Variants in NALCN observed in about 807,000 individuals in gnomAD.
NALCN encodes sodium leak channel NALCN.
In NALCN, 111 loss-of-function variants were observed where a neutral mutation model predicts 225.3. The observed-to-expected ratio is 0.49, with a 90% CI of 0.42 to 0.58. The LOEUF is 0.58. NALCN is among the 20% of genes least tolerant of loss of function. The pLI is 0.00. For missense variants in NALCN, 1,378 were observed against 2,202.4 expected (o/e 0.63, Z 7.49); for synonymous variants, 764 against 769.0 (o/e 0.99, Z 0.11).
chr13:101,384,266 A>G (rs2139445596), intron 3 of NALCN, among the ~76,000 whole-genome samples: 1 of 152,286 alleles, frequency 6.6e-6, no homozygotes, highest in East Asian at 1.9e-4. Context: ...TGTTTGTTCC[A>G]TCAACAAGAA....
At chr13:101,097,428 C>T (rs1326722957) in intron 27 of NALCN, among the ~76,000 whole-genome samples, 1 of 152,072 alleles carries the variant, frequency 6.6e-6, no homozygotes, top group Non-Finnish European at 1.5e-5. Flanking sequence ...ATAAAGGTCC[C>T]TTGACATATT....
chr13:101,068,683 A>G lies in NALCN; in HGVS notation c.4330+12T>C, dbSNP rs373393035. 7.6e-6 allele frequency: 12 copies of G among 1,582,208 alleles called. No individual in the cohort carries two copies. In the African/African-American group the frequency reaches 1.5e-4, roughly 20 times the overall value. ...TTTAAAGAGTAAAAAGTATTCAACT[A>G]ACATCACTTACCTACAAGCAGATTT... On this transcript the variant is annotated intron_variant, in intron 38 of 43. Transcript: ENST00000251127.
intron 27 of NALCN, among the ~76,000 whole-genome samples, chr13:101,097,835 G>GT (rs894961155): frequency 9.9e-5 from 15 of 152,216 alleles, no homozygotes; most frequent in African/African-American, 2.6e-4. Flanking sequence ...TTGTTCTTCA[G>GT]TTTTTTCCTA....
chr13:101,374,887 GT>G (rs754641424), intron 6 of NALCN, among the ~76,000 whole-genome samples: 1 of 152,074 alleles, frequency 6.6e-6, no homozygotes, highest in Admixed American at 6.5e-5. Flanking sequence ...ATTATTAGGA[GT>G]TGCATAATAT....
intron 6 of NALCN, among the ~76,000 whole-genome samples, chr13:101,350,112 C>A (rs1316447411): frequency 6.6e-6 from 1 of 152,136 alleles, no homozygotes; most frequent in Non-Finnish European, 1.5e-5. Flanking sequence ...ACCCTGCCTC[C>A]CACTCTTAGC....
Position 101,352,452 on chromosome 13 carries a change from G to C in NALCN, c.645-7032C>G, listed in dbSNP as rs115862212. Among the ~76,000 whole-genome samples the C allele has an allele frequency of 5.5e-4, 84 of 152,290 alleles. 1 individual carries two copies. The highest frequency in any genetic ancestry group is 1.9e-3 in the African/African-American group (79 of 41,550). ...AGAGCCTGCATTTGCATATGAGAGA[G>C]AGAGAGTGACAGAAAGAAAGAGAGA... On this transcript the variant is annotated intron_variant, in intron 6 of 43. Transcript: ENST00000251127.
intron 11 of NALCN, among the ~76,000 whole-genome samples, chr13:101,244,534 A>T (rs2041837919): frequency 6.6e-6 from 1 of 152,230 alleles, no homozygotes; most frequent in East Asian, 1.9e-4. Context: ...CTTGGAATCA[A>T]ATGGCTTGCT....
Position 101,353,047 on chromosome 13 carries a change from T to C in NALCN, c.645-7627A>G, listed in dbSNP as rs1444669083. Among the ~76,000 whole-genome samples the C allele has an allele frequency of 2.0e-5, 3 of 152,324 alleles. No individual in the cohort carries two copies. In the East Asian group the frequency reaches 5.8e-4, roughly 29 times the overall value. ...CTTGAGCATTTTGTTTTTGATTGCA[T>C]CTGTAAGGCTTCATTTTTATTTATA... is the stretch of plus-strand genomic sequence containing the variant. On this transcript the variant is annotated intron_variant, in intron 6 of 43. Coordinates refer to ENST00000251127, the MANE Select transcript of NALCN (RefSeq NM_052867.4).
chr13:101,161,740 C>T (rs34227398), intron 15 of NALCN, among the ~76,000 whole-genome samples: 33,733 of 152,038 alleles, frequency 0.22, 4,676 homozygotes, highest in Non-Finnish European at 0.31. Flanking sequence ...GGAGTGGTGG[C>T]GCACGCCTGT....
At chr13:101,375,262 C>G (rs2046655398) in intron 6 of NALCN, among the ~76,000 whole-genome samples, 1 of 152,132 alleles carries the variant, frequency 6.6e-6, no homozygotes, top group Admixed American at 6.6e-5. Flanking sequence ...CTTTGCTTGT[C>G]TTTACATTCA....
intron 17 of NALCN, among the ~76,000 whole-genome samples, chr13:101,133,333 C>T (rs187698422): frequency 6.6e-6 from 1 of 152,218 alleles, no homozygotes; most frequent in Admixed American, 6.5e-5. Context: ...GTTTGAGTGG[C>T]TCCATTTTTC....
At chr13:101,289,145 A>G (rs1204703438) in intron 9 of NALCN, among the ~76,000 whole-genome samples, 1 of 152,208 alleles carries the variant, frequency 6.6e-6, no homozygotes, top group Non-Finnish European at 1.5e-5. Context: ...CCTTCAACCC[A>G]ATCCACAACT....
intron 13 of NALCN, among the ~76,000 whole-genome samples, chr13:101,202,652 A>G (rs1262370122): frequency 6.6e-6 from 1 of 152,090 alleles, no homozygotes; most frequent in Non-Finnish European, 1.5e-5. Flanking sequence ...GGAGAGAGCT[A>G]TATCCCAGGG....
rs16958796 is a variant in NALCN, at chr13:101,298,657, G to A, written c.800-6291C>T. Among the ~76,000 whole-genome samples the A allele has an allele frequency of 5.3e-3, 813 of 152,320 alleles. 6 individuals carry two copies. Among genetic ancestry groups the A allele is most frequent in the African/African-American group, 0.018 (733 of 41,576 alleles). On this transcript the variant is annotated intron_variant, in intron 7 of 43. Coordinates refer to ENST00000251127, the MANE Select transcript of NALCN (RefSeq NM_052867.4). ...TAATGAAAAAAGAGAGCGATGAATA[G>A]TTTAAGAGAGAACTTGCTGAAGCTA...
At chr13:101,200,881 G>C (rs1434940344) in intron 13 of NALCN, among the ~76,000 whole-genome samples, 3 of 152,146 alleles carry the variant, frequency 2.0e-5, no homozygotes, top group Non-Finnish European at 2.9e-5. Flanking sequence ...GAAATTTGAT[G>C]ACTCAATGCA....
chr13:101,344,242 A>G (rs957432324), intron 7 of NALCN, among the ~76,000 whole-genome samples: 2 of 152,226 alleles, frequency 1.3e-5, no homozygotes, highest in African/African-American at 4.8e-5. Flanking sequence ...TTAAGAGAGT[A>G]TAGAAAATTG....
At position 101,100,805 on chromosome 13, in the gene NALCN, A is replaced by G. The variant is rs9518306; in HGVS notation, c.3141T>C (p.Asn1047=). ...QLFAGKLAKC[N]DPNIIRREDC... ...TTACCCTTCTAATAATGTTGGGATC[A>G]TTGCACTTGGCCAGTTTTCCAGCAA... The change falls in exon 27 of 44, where the codon AAT becomes AAC. Residue 1047 remains asparagine (N), a synonymous_variant. Transcript: ENST00000251127. The G allele has an allele frequency of 9.3e-6, 15 of 1,610,510 alleles. No individual in the cohort carries two copies. The highest frequency in any genetic ancestry group is 1.3e-5 in the Non-Finnish European group (15 of 1,178,204).
At chr13:101,388,954 C>T (rs895831210) in intron 3 of NALCN, among the ~76,000 whole-genome samples, 4 of 152,068 alleles carry the variant, frequency 2.6e-5, no homozygotes, top group Admixed American at 6.5e-5. Context: ...GAGCTAGGGC[C>T]GGGCAACTAC....
chr13:101,283,124 T>A (rs2043221298), intron 10 of NALCN, among the ~76,000 whole-genome samples: 1 of 152,140 alleles, frequency 6.6e-6, no homozygotes, highest in Non-Finnish European at 1.5e-5. Flanking sequence ...AAGAATCAAT[T>A]CTCCGGTCCT....
Sources: allele counts gnomAD v4.1 joint callset (sites outside exome capture counted in the v4.1 genomes callset), GRCh38; gene constraint gnomAD v4.1.1; transcripts MANE v1.5; gene names NCBI Gene and HGNC (gene_info 2026-07-23, HGNC 2026-07-21).